Variants in MARK4 observed in about 807,000 individuals in gnomAD.
MARK4 encodes the protein microtubule affinity regulating kinase 4.
MARK4 carries 19 observed loss-of-function variants against 81.5 expected under a neutral mutation model. The observed-to-expected ratio is 0.23, with a 90% CI of 0.16 to 0.34. The LOEUF (loss-of-function observed/expected upper bound fraction) is 0.34, where lower values mean the gene tolerates loss of function less well. Ranked by LOEUF, MARK4 falls within the 10% of genes least tolerant of loss-of-function variation. The pLI is 1.00. For missense variants in MARK4, 772 were observed against 1,058.8 expected (o/e 0.73, Z 3.76); for synonymous variants, 436 against 439.0 (o/e 0.99, Z 0.08).
At position 45,283,225 on chromosome 19, in the gene MARK4, T is replaced by C. The variant is rs1171153831; in HGVS notation, c.1276+2491T>C. ...AGGAGTTCGAGACCACTGGGCAACA[T>C]GGCGAAACCCCATCTCCACTATAAA... is the stretch of plus-strand genomic sequence containing the variant. On this transcript the variant is annotated intron_variant, in intron 12 of 16. Coordinates refer to ENST00000262891, the MANE Select transcript of MARK4 (RefSeq NM_001199867.2). 2.0e-5 allele frequency among the ~76,000 whole-genome samples: 3 copies of C among 151,764 alleles called. No homozygotes were observed. In the East Asian group the frequency reaches 5.8e-4, roughly 29 times the overall value.
chr19:45,268,494 G>C (rs573643324), intron 7 of MARK4, among the ~76,000 whole-genome samples: 1 of 151,316 alleles, frequency 6.6e-6, no homozygotes, highest in Admixed American at 6.6e-5. Context: ...TGAGACATGA[G>C]AATTGCTTGA....
chr19:45,277,731 A>G lies in MARK4; in HGVS notation c.787-192A>G, dbSNP rs1413790125. On this transcript the variant is annotated intron_variant, in intron 8 of 16. Coordinates refer to ENST00000262891, the MANE Select transcript of MARK4 (RefSeq NM_001199867.2). ...TTCCCATTTTATGGACAGGGAACTG[A>G]GGTCAGGAGAAAGGAATGGGGTTTT... is the stretch of plus-strand genomic sequence containing the variant. 4.0e-5 allele frequency among the ~76,000 whole-genome samples: 6 copies of G among 151,440 alleles called. No individual in the cohort carries two copies. In the East Asian group the frequency reaches 1.2e-3, roughly 30 times the overall value.
intron 1 of MARK4, among the ~76,000 whole-genome samples, chr19:45,254,224 C>A (rs911457815): frequency 2.0e-5 from 3 of 152,186 alleles, no homozygotes; most frequent in African/African-American, 4.8e-5. Flanking sequence ...CGGGAGGGAG[C>A]CAGGCCAGCT....
chr19:45,287,433 A>G lies in MARK4; in HGVS notation c.1277-14A>G. 1 of 1,415,670 alleles carries G rather than the reference A, an allele frequency of 7.1e-7. No homozygotes were observed. The allele number at this position is 1,415,670 out of a possible 1,614,324, so 87.7% of individuals were successfully genotyped here. A position where few individuals can be genotyped will look rare whatever the true frequency, so the allele number is the denominator to read the frequency against. On this transcript the variant is annotated splice_polypyrimidine_tract_variant and intron_variant, in intron 12 of 16. Coordinates refer to ENST00000262891, the MANE Select transcript of MARK4 (RefSeq NM_001199867.2). The stretch of plus-strand genomic sequence containing the variant: ...CGTGGTGATGCCAGCTCTAAACGGT[A>G]CCCCCTCCCCCAGGTGGCCCATCCC...
Position 45,263,130 on chromosome 19 carries a change from C to G in MARK4, c.270C>G (p.Ile90Met). Residue 90 changes from isoleucine (I) to methionine (M), a missense_variant, in exon 3 of 17, where the codon ATC becomes ATG. Physicochemically the swap from Ile to Met is conservative, Grantham distance 10. Coordinates refer to ENST00000262891, the MANE Select transcript of MARK4 (RefSeq NM_001199867.2). Reference protein sequence around the residue: ...LTGREVAIKIIDKTQLNPSSL... With the variant: ...LTGREVAIKIMDKTQLNPSSL... ...CCCTCTAGGTTGCCATCAAGATTAT[C>G]GACAAAACCCAGCTGAATCCCAGCA... 4.4e-6 allele frequency: 7 copies of G among 1,607,230 alleles called. No individual in the cohort carries two copies. Among genetic ancestry groups the G allele is most frequent in the Non-Finnish European group, 5.9e-6 (7 of 1,176,584 alleles).
intron 7 of MARK4, among the ~76,000 whole-genome samples, chr19:45,267,032 G>A (rs2123045450): frequency 6.6e-6 from 1 of 151,690 alleles, no homozygotes; most frequent in South Asian, 2.1e-4. Flanking sequence ...GCACCTGGCC[G>A]GGAATCTGAG....
chr19:45,302,768 G>A lies in MARK4; in HGVS notation c.*58G>A. On this transcript the variant is annotated 3_prime_UTR_variant, in exon 17 of 17. Coordinates refer to ENST00000262891, the MANE Select transcript of MARK4 (RefSeq NM_001199867.2). This position sits in a 1 kb window ranked among gnomAD's most constrained non-coding sequence, Gnocchi z 4.9. Reference sequence around the variant, plus strand: ...CTCCCTTGTCGCCTTCACTTCTACAGGAGGGGAAGGGGCCAGGGAGGGGAT... The same window carrying A: ...CTCCCTTGTCGCCTTCACTTCTACAAGAGGGGAAGGGGCCAGGGAGGGGAT... 6.5e-7 allele frequency: 1 copy of A among 1,526,992 alleles called. No individual in the cohort carries two copies. Among genetic ancestry groups the A allele is most frequent in the Non-Finnish European group, 8.8e-7 (1 of 1,142,262 alleles). 94.6% of individuals were successfully genotyped at this position (1,526,992 alleles called of 1,614,324 possible). A position where few individuals can be genotyped will look rare whatever the true frequency, so the allele number is the denominator to read the frequency against.
rs1971021837 is a variant in MARK4 at position 45,304,454 on chromosome 19, T to A, written c.*1744T>A. 6.6e-6 allele frequency: 1 copy of A among 152,234 alleles called. No homozygotes were observed. Among genetic ancestry groups the A allele is most frequent in the Admixed American group, 6.5e-5 (1 of 15,282 alleles). 9.4% of individuals were successfully genotyped at this position (152,234 alleles called of 1,614,324 possible). On this transcript the variant is annotated 3_prime_UTR_variant, in exon 17 of 17. Transcript: ENST00000262891. ...TGGGAGCTGGACAGATTATAGTGGT[T>A]GAAGTCTGTGCAGTACAGAAGGGCG...
In MARK4 at chr19:45,297,813, C is replaced by G. The variant is rs1462687396; in HGVS notation, c.1736C>G (p.Ala579Gly). 2 of 1,541,076 alleles carry G rather than the reference C, an allele frequency of 1.3e-6. No individual in the cohort carries two copies. The highest frequency in any genetic ancestry group is 4.0e-5 in the Admixed American group (2 of 49,978). Residue 579 changes from alanine to glycine, a missense_variant, in exon 15 of 17, where the codon GCA (alanine) becomes GGA (glycine). Around this residue, in one of 3 missense-constraint regions of MARK4, gnomAD observed 548 missense variants for 624.3 expected, o/e 0.88. Transcript: ENST00000262891. Reference sequence around the variant, plus strand: ...GGTGGCCAGGTCCGGGACCGGCGGGCAGGGGGTGGGGGTGGTGGGGGTGTG... The same window carrying G: ...GGTGGCCAGGTCCGGGACCGGCGGGGAGGGGGTGGGGGTGGTGGGGGTGTG... ...FHGGQVRDRR[A>G]GGGGGGGVQN...
intron 12 of MARK4, among the ~76,000 whole-genome samples, chr19:45,286,289 T>C (rs536538789): frequency 1.5e-3 from 224 of 151,878 alleles, no homozygotes; most frequent in African/African-American, 4.9e-3. Flanking sequence ...CTCCTGACCT[T>C]GTGATCCACC....
rs1971016204 is a variant in MARK4 at position 45,304,005 on chromosome 19, A to C, written c.*1295A>C. On this transcript the variant is annotated 3_prime_UTR_variant, in exon 17 of 17. Coordinates refer to ENST00000262891, the MANE Select transcript of MARK4 (RefSeq NM_001199867.2). ...GCATGGATGGAGAATCAGCAAGAGA[A>C]ATGCTGTATTAGGACTAATAATCCA... 6.6e-6 allele frequency: 1 copy of C among 152,272 alleles called. No homozygotes were observed. The highest frequency in any genetic ancestry group is 1.5e-5 in the Non-Finnish European group (1 of 68,070). 9.4% of individuals were successfully genotyped at this position (152,272 alleles called of 1,614,324 possible).
intron 9 of MARK4, among the ~76,000 whole-genome samples, chr19:45,278,281 G>A (rs1028354676): frequency 2.0e-5 from 3 of 152,132 alleles, no homozygotes; most frequent in Non-Finnish European, 4.4e-5. Flanking sequence ...TAGCTAATGA[G>A]CTCCTAGGAT....
intron 14 of MARK4, among the ~76,000 whole-genome samples, chr19:45,297,239 G>T (rs1161710810): frequency 6.6e-6 from 1 of 152,148 alleles, no homozygotes; most frequent in Admixed American, 6.5e-5. Flanking sequence ...TTACCATAGT[G>T]AATACAGGTA....
At chr19:45,267,914 G>A (rs1301266729) in intron 7 of MARK4, among the ~76,000 whole-genome samples, 3 of 152,086 alleles carry the variant, frequency 2.0e-5, no homozygotes, top group African/African-American at 7.2e-5. Flanking sequence ...TCCTGCCTCA[G>A]CCTTCTGAGT....
At chr19:45,296,187 T>G (rs773303614) in intron 14 of MARK4, among the ~76,000 whole-genome samples, 19 of 151,754 alleles carry the variant, frequency 1.3e-4, no homozygotes, top group Admixed American at 2.6e-4. Context: ...CAAGAGATAG[T>G]GGAACAGTTA....
intron 1 of MARK4, among the ~76,000 whole-genome samples, chr19:45,258,510 G>C (rs889276501): frequency 6.6e-6 from 1 of 152,038 alleles, no homozygotes; most frequent in Non-Finnish European, 1.5e-5. Flanking sequence ...GACCAGCTTA[G>C]TCAACATGGT....
chr19:45,252,223 C>G (rs1255005752), intron 1 of MARK4, among the ~76,000 whole-genome samples: 4 of 152,104 alleles, frequency 2.6e-5, no homozygotes, highest in Non-Finnish European at 5.9e-5. Flanking sequence ...CTCCTGGGCC[C>G]CGGCCCTTTT....
intron 8 of MARK4, among the ~76,000 whole-genome samples, chr19:45,274,035 G>A (rs1970566928): frequency 6.6e-6 from 1 of 151,108 alleles, no homozygotes; most frequent in African/African-American, 2.4e-5. Flanking sequence ...GGATCACGAG[G>A]TCAGGAGAGC....
chr19:45,251,738 T>G, intron 1 of MARK4, 99 bp downstream of exon 1: 1 of 1,166,078 alleles, frequency 8.6e-7, no homozygotes, highest in Non-Finnish European at 1.2e-6. Context: ...TACCCTCGTT[T>G]CCTGGGCCCG....
Sources: allele counts gnomAD v4.1 joint callset (sites outside exome capture counted in the v4.1 genomes callset), GRCh38; gene constraint gnomAD v4.1.1; regional missense constraint gnomAD v4.1.1; non-coding constraint Gnocchi (gnomAD v3.1); transcripts MANE v1.5; gene names NCBI Gene and HGNC (gene_info 2026-07-23, HGNC 2026-07-21).